Variants in ADGRB3 observed in about 807,000 individuals in gnomAD.
ADGRB3 encodes brain-specific angiogenesis inhibitor 3.
In ADGRB3, 37 loss-of-function variants were observed where a neutral mutation model predicts 193.4. The observed-to-expected ratio is 0.19, with a 90% CI of 0.15 to 0.25. The LOEUF is 0.25. Ranked by LOEUF, ADGRB3 falls within the 10% of genes least tolerant of loss-of-function variation. ADGRB3 has a pLI of 1.00. For missense variants in ADGRB3, 1,637 were observed against 1,852.9 expected, an observed-to-expected ratio of 0.88 and a Z score of 2.14; for synonymous variants, 690 against 644.2, an observed-to-expected ratio of 1.07 and a Z score of -1.08.
chr6:68,812,304 A>T (rs1767527345), intron 3 of ADGRB3, among the ~76,000 whole-genome samples: 1 of 150,244 alleles, frequency 6.7e-6, no homozygotes, highest in Admixed American at 6.7e-5. Context: ...TACATTATTC[A>T]TTGTGATTAA....
chr6:69,087,895 T>C (rs1010268141), intron 17 of ADGRB3, among the ~76,000 whole-genome samples: 1 of 152,210 alleles, frequency 6.6e-6, no homozygotes, highest in Non-Finnish European at 1.5e-5. Flanking sequence ...CTTAGCTTAA[T>C]GTATTTCCCG....
chr6:68,785,543 A>C (rs2127363362), intron 3 of ADGRB3, among the ~76,000 whole-genome samples: 1 of 150,864 alleles, frequency 6.6e-6, no homozygotes, highest in South Asian at 2.1e-4. Context: ...CATTTTGTTA[A>C]TCCAGTCTAT....
intron 6 of ADGRB3, among the ~76,000 whole-genome samples, chr6:68,947,664 C>T (rs961282848): frequency 2.0e-5 from 3 of 152,034 alleles, no homozygotes; most frequent in Non-Finnish European, 4.4e-5. Context: ...TGTCACTCAT[C>T]TAATCTTCAG....
chr6:68,866,851 G>A (rs984265568), intron 3 of ADGRB3, among the ~76,000 whole-genome samples: 10 of 152,118 alleles, frequency 6.6e-5, no homozygotes, highest in Admixed American at 1.3e-4. Context: ...TTAGAGTATC[G>A]GGCAGGAGAA....
intron 17 of ADGRB3, among the ~76,000 whole-genome samples, chr6:69,214,261 G>C (rs1204176947): frequency 6.6e-6 from 1 of 152,150 alleles, no homozygotes; most frequent in Non-Finnish European, 1.5e-5. Context: ...AGTGGTGTCA[G>C]CTGGGTGTGG....
At chr6:69,170,659 T>G (rs2150347751) in intron 17 of ADGRB3, among the ~76,000 whole-genome samples, 1 of 152,308 alleles carries the variant, frequency 6.6e-6, no homozygotes, top group Middle Eastern at 3.4e-3. Context: ...AGAAAAGGTG[T>G]TCTCTGCCGT....
At chr6:68,798,139 G>A (rs1767245553) in intron 3 of ADGRB3, among the ~76,000 whole-genome samples, 1 of 152,114 alleles carries the variant, frequency 6.6e-6, no homozygotes, top group South Asian at 2.1e-4. Context: ...AGAGGATAAA[G>A]GACTTAAGTA....
Position 68,638,795 on chromosome 6 carries a change from A to T in ADGRB3, c.120A>T (p.Gly40=). 1 of 1,614,094 alleles carries T rather than the reference A, an allele frequency of 6.2e-7. No individual in the cohort carries two copies. The highest frequency in any genetic ancestry group is 8.5e-7 in the Non-Finnish European group (1 of 1,180,010). The change falls in exon 3 of 32, where the codon GGA becomes GGT. Residue 40 remains glycine, a synonymous_variant. Coordinates refer to ENST00000370598, the MANE Select transcript of ADGRB3 (RefSeq NM_001704.3). The part of the protein sequence containing the change: ...CSTLVKGVIY[G]SYSVSEMFPK... ...CTTTGGTGAAGGGAGTCATTTATGG[A>T]TCGTATTCTGTAAGTGAAATGTTTC...
chr6:69,344,367 A>G (rs1464606419), intron 26 of ADGRB3, among the ~76,000 whole-genome samples: 1 of 152,140 alleles, frequency 6.6e-6, no homozygotes, highest in Non-Finnish European at 1.5e-5. Flanking sequence ...TTAAAATAAA[A>G]AACTTTTCTT....
intron 28 of ADGRB3, among the ~76,000 whole-genome samples, chr6:69,358,933 A>G (rs1209436227): frequency 6.6e-6 from 1 of 150,784 alleles, no homozygotes; most frequent in African/African-American, 2.4e-5. Context: ...ATATATATAT[A>G]TATTTTTTTT....
Position 68,786,008 on chromosome 6 carries a change from T to A in ADGRB3, c.758-144551T>A, listed in dbSNP as rs539494789. Reference sequence around the variant, plus strand: ...TGCCCACTTTTTGATGGGGTTGTTTTTTTCTTGTAAATTTGTTTGAGTTCA... The same window carrying A: ...TGCCCACTTTTTGATGGGGTTGTTTATTTCTTGTAAATTTGTTTGAGTTCA... On this transcript the variant is annotated intron_variant, in intron 3 of 31. Transcript: ENST00000370598. Among the ~76,000 whole-genome samples the A allele has an allele frequency of 1.5e-4, 22 of 151,684 alleles. No individual in the cohort carries two copies. In the East Asian group the frequency reaches 3.7e-3, roughly 25 times the overall value.
intron 11 of ADGRB3, among the ~76,000 whole-genome samples, chr6:69,003,827 G>A (rs1769659361): frequency 6.6e-6 from 1 of 152,148 alleles, no homozygotes; most frequent in Non-Finnish European, 1.5e-5. Flanking sequence ...TGGTAACTGA[G>A]GGGAACTAAC....
chr6:69,203,451 G>GTTTTT (rs5877199), intron 17 of ADGRB3, among the ~76,000 whole-genome samples: 1 of 146,828 alleles, frequency 6.8e-6, no homozygotes, highest in African/African-American at 2.5e-5. Context: ...CATTGTTTTT[G>GTTTTT]TTTTTTTTTT....
intron 3 of ADGRB3, among the ~76,000 whole-genome samples, chr6:68,684,747 A>T (rs1764952559): frequency 6.6e-6 from 1 of 152,164 alleles, no homozygotes; most frequent in Non-Finnish European, 1.5e-5. Context: ...TAAATAGATT[A>T]TTTTTAAAAA....
intron 20 of ADGRB3, among the ~76,000 whole-genome samples, chr6:69,297,368 T>TTTC (rs1767846540): frequency 5.9e-4 from 58 of 97,648 alleles, no homozygotes; most frequent in African/African-American, 2.1e-3. Context: ...CTCTCTCTCT[T>TTTC]TCTCTCTCTC....
At chr6:69,130,384 C>G (rs1195604179) in intron 17 of ADGRB3, among the ~76,000 whole-genome samples, 1 of 151,716 alleles carries the variant, frequency 6.6e-6, no homozygotes, top group Non-Finnish European at 1.5e-5. Context: ...ATTGTCTTGG[C>G]TATCTTAGTA....
intron 3 of ADGRB3, among the ~76,000 whole-genome samples, chr6:68,763,512 T>G (rs1309269812): frequency 6.6e-6 from 1 of 152,224 alleles, no homozygotes; most frequent in African/African-American, 2.4e-5. Context: ...ACAAATAAGT[T>G]AACATGAAAT....
chr6:68,928,525 A>C (rs1469743174), intron 3 of ADGRB3, among the ~76,000 whole-genome samples: 2 of 152,056 alleles, frequency 1.3e-5, no homozygotes, highest in Admixed American at 6.6e-5. Context: ...ACAGACCAAG[A>C]CCCACGGACA....
chr6:69,293,843 C>T (rs1298003071), intron 20 of ADGRB3, among the ~76,000 whole-genome samples: 1 of 152,070 alleles, frequency 6.6e-6, no homozygotes, highest in South Asian at 2.1e-4. Context: ...GGGATGGGAT[C>T]TGGGTGTTTA....
Sources: gnomAD v4.1 joint callset for allele counts (sites outside exome capture counted in the v4.1 genomes callset) on GRCh38, gnomAD v4.1.1 for gene constraint, MANE v1.5 for transcripts, NCBI Gene and HGNC (gene_info 2026-07-23, HGNC 2026-07-21) for gene names.